Variants in FOXO3 observed in about 807,000 individuals in gnomAD.
FOXO3 encodes forkhead box protein O3.
Under a neutral mutation model 41.9 loss-of-function variants are expected in FOXO3, and 4 were observed. That is an observed-to-expected ratio of 0.10 (90% CI 0.05 to 0.22). FOXO3 has a LOEUF of 0.22. Among genes scored for constraint, FOXO3 ranks in the 10% least tolerant of loss-of-function variants. The pLI is 1.00. For synonymous variants in FOXO3, 318 were observed against 389.3 expected (o/e 0.82, Z 2.16); for missense variants, 534 against 906.8 (o/e 0.59, Z 5.28).
chr6:108,679,370 A>G (rs1026504293), intron 2 of FOXO3, among the ~76,000 whole-genome samples: 12 of 152,144 alleles, frequency 7.9e-5, no homozygotes, highest in African/African-American at 2.9e-4. Flanking sequence ...CATAGCCAGT[A>G]GGGAAGAACC....
chr6:108,593,894 T>C (rs1258219039), intron 1 of FOXO3, among the ~76,000 whole-genome samples: 1 of 151,824 alleles, frequency 6.6e-6, no homozygotes, highest in African/African-American at 2.4e-5. Flanking sequence ...TTTTTGTACC[T>C]TTTTAGTAGA....
chr6:108,651,756 T>TTGA (rs1156700102), intron 1 of FOXO3, among the ~76,000 whole-genome samples: 4 of 152,208 alleles, frequency 2.6e-5, no homozygotes, highest in African/African-American at 9.6e-5. Flanking sequence ...TCTGCAGGTT[T>TTGA]TGATGCCAGA....
chr6:108,640,975 G>T, intron 1 of FOXO3, among the ~76,000 whole-genome samples: 1 of 152,160 alleles, frequency 6.6e-6, no homozygotes, highest in South Asian at 2.1e-4. Context: ...GTGCAATGGC[G>T]CAATCTTGGC....
At chr6:108,562,389 G>A (rs1265659498) in intron 1 of FOXO3, among the ~76,000 whole-genome samples, 1 of 152,122 alleles carries the variant, frequency 6.6e-6, no homozygotes, top group Non-Finnish European at 1.5e-5. Flanking sequence ...AGAAAAAGCA[G>A]TGGTTGCAAA....
intron 1 of FOXO3, among the ~76,000 whole-genome samples, chr6:108,643,093 A>C (rs1337550392): frequency 6.6e-6 from 1 of 152,236 alleles, no homozygotes; most frequent in African/African-American, 2.4e-5. Flanking sequence ...ATCCAAAGAG[A>C]CTAAATCATA....
chr6:108,612,193 A>G (rs1582776967), intron 1 of FOXO3, among the ~76,000 whole-genome samples: 1 of 152,208 alleles, frequency 6.6e-6, no homozygotes, highest in African/African-American at 2.4e-5. Flanking sequence ...TTTATCCCCA[A>G]GAGCTTCATC....
chr6:108,682,448 G>A lies in FOXO3; in HGVS notation c.*2656G>A, dbSNP rs1770898587. ...GCATCTACATGTAGAGTGTTGTGGA[G>A]AGCTGAGACCAGGGTAAAGTCAAGT... On this transcript the variant is annotated 3_prime_UTR_variant, in exon 3 of 3. Coordinates refer to ENST00000406360, the MANE Select transcript of FOXO3 (RefSeq NM_001455.4). 6.6e-6 allele frequency: 1 copy of A among 152,314 alleles called. No homozygotes were observed. Among genetic ancestry groups the A allele is most frequent in the South Asian group, 2.1e-4 (1 of 4,832 alleles). 9.4% of individuals were successfully genotyped at this position (152,314 alleles called of 1,614,324 possible).
chr6:108,560,708 C>T (rs1388217570), upstream of FOXO3, among the ~76,000 whole-genome samples: 14 of 152,118 alleles, frequency 9.2e-5, no homozygotes, highest in Non-Finnish European at 1.0e-4. Flanking sequence ...CACACCCGAG[C>T]TCGGGCTCTG....
intron 1 of FOXO3, among the ~76,000 whole-genome samples, chr6:108,655,223 G>A (rs1778651571): frequency 6.6e-6 from 1 of 152,126 alleles, no homozygotes; most frequent in African/African-American, 2.4e-5. Context: ...GTAAGGTCAA[G>A]GATCTTTCCC....
intron 1 of FOXO3, among the ~76,000 whole-genome samples, chr6:108,590,440 A>G (rs1379977148): frequency 6.6e-6 from 1 of 152,260 alleles, no homozygotes; most frequent in East Asian, 1.9e-4. Flanking sequence ...GGTTGCAGTC[A>G]AAACTTTGTT....
chr6:108,610,598 A>G (rs1582775235), intron 1 of FOXO3, among the ~76,000 whole-genome samples: 1 of 152,312 alleles, frequency 6.6e-6, no homozygotes, highest in East Asian at 1.9e-4. Flanking sequence ...GATAGAAGTG[A>G]TAGGACAGGG....
intron 1 of FOXO3, among the ~76,000 whole-genome samples, chr6:108,573,742 T>TTGCTTGAACCCGGGAGG (rs1359757766): frequency 1.3e-5 from 2 of 151,528 alleles, no homozygotes; most frequent in Non-Finnish European, 2.9e-5. Flanking sequence ...AGCAGGAGAA[T>TTGCTTGAACCCGGGAGG]TGCTTGAACC....
At chr6:108,635,525 GTTTGT>G (rs978807367) in intron 1 of FOXO3, among the ~76,000 whole-genome samples, 21 of 151,518 alleles carry the variant, frequency 1.4e-4, no homozygotes, top group African/African-American at 4.4e-4. Context: ...GTGTAATTTT[GTTTGT>G]TTTAAATGTG....
rs1030478400 is a variant in FOXO3, at chr6:108,681,647, C to T, written c.*1855C>T. The T allele has an allele frequency of 1.3e-5, 2 of 151,266 alleles. No individual in the cohort carries two copies. Among genetic ancestry groups the T allele is most frequent in the African/African-American group, 4.9e-5 (2 of 41,088 alleles). 9.4% of individuals were successfully genotyped at this position (151,266 alleles called of 1,614,324 possible). A position where few individuals can be genotyped will look rare whatever the true frequency, so the allele number is the denominator to read the frequency against. On this transcript the variant is annotated 3_prime_UTR_variant, in exon 3 of 3. Transcript: ENST00000406360. The stretch of plus-strand genomic sequence containing the variant: ...CGATGGCCCTGTTGATTTCACCCTG[C>T]CTTTTACTGAATCTGTAAATTGTTG...
intron 1 of FOXO3, among the ~76,000 whole-genome samples, chr6:108,570,024 G>T (rs1479158178): frequency 2.4e-5 from 2 of 84,338 alleles, no homozygotes; most frequent in African/African-American, 4.8e-5. Context: ...TTTTGAGACA[G>T]AATCTCGCTC....
intron 1 of FOXO3, among the ~76,000 whole-genome samples, chr6:108,573,171 C>T (rs774896041): frequency 6.6e-6 from 1 of 152,042 alleles, no homozygotes; most frequent in Non-Finnish European, 1.5e-5. Context: ...CCTGTAGTAC[C>T]AGCTACTCGG....
At chr6:108,666,235 A>G (rs1020219739) in intron 2 of FOXO3, among the ~76,000 whole-genome samples, 1 of 152,200 alleles carries the variant, frequency 6.6e-6, no homozygotes, top group African/African-American at 2.4e-5. Context: ...AATATGTACC[A>G]TGCAACTAGG....
At chr6:108,565,483 G>T (rs2128355361) in intron 1 of FOXO3, among the ~76,000 whole-genome samples, 1 of 152,322 alleles carries the variant, frequency 6.6e-6, no homozygotes, top group South Asian at 2.1e-4. Flanking sequence ...AAGGACGCCA[G>T]GGCTTACCTG....
Position 108,682,082 on chromosome 6 carries a change from A to G in FOXO3, c.*2290A>G, listed in dbSNP as rs1473201599. ...ACTTCTGAGTTCAGAGAAACATGCAAAGTGACTAACAAAATAGCTACTTAC... is the reference window on the plus strand; with the variant it reads ...ACTTCTGAGTTCAGAGAAACATGCAGAGTGACTAACAAAATAGCTACTTAC... On this transcript the variant is annotated 3_prime_UTR_variant, in exon 3 of 3. Transcript: ENST00000406360. The G allele has an allele frequency of 6.6e-6, 1 of 152,520 alleles. No homozygotes were observed. Among genetic ancestry groups the G allele is most frequent in the African/African-American group, 2.4e-5 (1 of 41,452 alleles). 9.4% of individuals were successfully genotyped at this position (152,520 alleles called of 1,614,324 possible).
Sources: allele counts gnomAD v4.1 joint callset (sites outside exome capture counted in the v4.1 genomes callset), GRCh38; gene constraint gnomAD v4.1.1; transcripts MANE v1.5; gene names NCBI Gene and HGNC (gene_info 2026-07-23, HGNC 2026-07-21).